ST8SIA2: variants seen among roughly 807,000 people sequenced by gnomAD.
ST8SIA2 encodes the protein alpha-2,8-sialyltransferase 8B.
ST8SIA2 carries 22 observed loss-of-function variants against 37.6 expected under a neutral mutation model. That is an observed-to-expected ratio of 0.58 (90% CI 0.42 to 0.83). The LOEUF is 0.83. ST8SIA2 is among the 40% of genes least tolerant of loss of function. ST8SIA2 has a pLI of 0.00. For synonymous variants in ST8SIA2, 205 were observed against 201.2 expected, an observed-to-expected ratio of 1.02 and a Z score of -0.16; for missense variants, 382 against 484.7, an observed-to-expected ratio of 0.79 and a Z score of 1.99.
intron 5 of ST8SIA2, 141 bp from the exon 6 acceptor site, chr15:92,463,959 G>A (rs980184080): frequency 1.6e-6 from 2 of 1,212,416 alleles, no homozygotes; most frequent in Non-Finnish European, 2.3e-6. Context: ...TCTGTGGAGG[G>A]AACCAGGGAT....
chr15:92,438,668 G>A, intron 4 of ST8SIA2, 58 bp downstream of exon 4: 1 of 1,516,468 alleles, frequency 6.6e-7, no homozygotes, highest in South Asian at 1.3e-5. Flanking sequence ...GTGTTTCAGT[G>A]GAGCATTGCC....
intron 1 of ST8SIA2, among the ~76,000 whole-genome samples, chr15:92,404,946 C>T (rs1220962064): frequency 6.6e-6 from 1 of 151,848 alleles, no homozygotes; most frequent in African/African-American, 2.4e-5. Flanking sequence ...AGGTATCCGT[C>T]AATGAGTGAA....
intron 5 of ST8SIA2, among the ~76,000 whole-genome samples, chr15:92,461,711 T>A (rs1402289847): frequency 6.6e-6 from 1 of 152,158 alleles, no homozygotes; most frequent in African/African-American, 2.4e-5. Context: ...ACGGGCCAGG[T>A]CTTGCAGAGT....
chr15:92,398,764 C>A (rs2049450179), intron 1 of ST8SIA2, among the ~76,000 whole-genome samples: 1 of 152,214 alleles, frequency 6.6e-6, no homozygotes, highest in African/African-American at 2.4e-5. Flanking sequence ...AAGGCCGAAA[C>A]CCATGCATGC....
In ST8SIA2 at chr15:92,438,628, GC is replaced by G. The variant is rs2049778216; in HGVS notation, c.548+19del. Reference sequence around the variant, plus strand: ...GTCATCAGGTAACATGCCCCAGCAGGCACTCTGGGGCCAGAGCGGCGGGCAG... The same window carrying G: ...GTCATCAGGTAACATGCCCCAGCAGGACTCTGGGGCCAGAGCGGCGGGCAG... On this transcript the variant is annotated intron_variant, in intron 4 of 5. Coordinates refer to ENST00000268164, the MANE Select transcript of ST8SIA2 (RefSeq NM_006011.4). The G allele has an allele frequency of 6.3e-7, 1 of 1,591,840 alleles. No individual in the cohort carries two copies. Among genetic ancestry groups the G allele is most frequent in the Non-Finnish European group, 8.6e-7 (1 of 1,169,072 alleles).
intron 4 of ST8SIA2, among the ~76,000 whole-genome samples, chr15:92,442,140 C>T (rs575426786): frequency 6.6e-6 from 1 of 152,228 alleles, no homozygotes; most frequent in Non-Finnish European, 1.5e-5. Flanking sequence ...GGAAGGAAGA[C>T]ATCTAGACAG....
intron 1 of ST8SIA2, among the ~76,000 whole-genome samples, chr15:92,427,293 G>T (rs576711591): frequency 6.8e-6 from 1 of 146,332 alleles, no homozygotes; most frequent in Admixed American, 6.8e-5. Flanking sequence ...AAAGATTAAT[G>T]CATCCCTACT....
Position 92,393,916 on chromosome 15 carries a change from C to CGCT in ST8SIA2, c.-146_-144dup. On this transcript the variant is annotated 5_prime_UTR_variant, in exon 1 of 6. Transcript: ENST00000268164. ...TGCCTGTCGCTGCCGCTGCCGCTGCCGCTGCCGCCGCCGGCCCGGACTCGT... is the reference window on the plus strand; with the variant it reads ...TGCCTGTCGCTGCCGCTGCCGCTGCCGCTGCTGCCGCCGCCGGCCCGGACTCGT... The CGCT allele has an allele frequency of 3.4e-6, 1 of 292,054 alleles. No individual in the cohort carries two copies. Among genetic ancestry groups the CGCT allele is most frequent in the Non-Finnish European group, 5.8e-6 (1 of 172,418 alleles). 18.1% of individuals were successfully genotyped at this position (292,054 alleles called of 1,614,324 possible).
At chr15:92,455,047 G>C (rs900046923) in intron 5 of ST8SIA2, among the ~76,000 whole-genome samples, 2 of 152,140 alleles carry the variant, frequency 1.3e-5, no homozygotes, top group African/African-American at 2.4e-5. Flanking sequence ...AGAGGGGCCA[G>C]GTCAGCAAAG....
rs1055984089 is a variant in ST8SIA2 at position 92,438,261 on chromosome 15, C to A, written c.291-92C>A. The A allele has an allele frequency of 1.3e-5, 21 of 1,585,970 alleles. No individual in the cohort carries two copies. In the African/African-American group the frequency reaches 2.8e-4, roughly 21 times the overall value. On this transcript the variant is annotated intron_variant, in intron 3 of 5. Coordinates refer to ENST00000268164, the MANE Select transcript of ST8SIA2 (RefSeq NM_006011.4). ...CTGCGTGTTTGCTGGGCTGCAGCCA[C>A]CGTGCAGGGCGACCCTGGATAGGAA...
intron 1 of ST8SIA2, 42 bp downstream of exon 1, chr15:92,394,204 GAT>G (rs1567207424): frequency 6.7e-7 from 1 of 1,496,842 alleles, no homozygotes; most frequent in Non-Finnish European, 9.1e-7. Flanking sequence ...GCCCTGGCGG[GAT>G]CTCTCCCTCC....
At chr15:92,444,964 A>G (rs750323402) in intron 5 of ST8SIA2, 35 bp downstream of exon 5, 6 of 1,603,294 alleles carry the variant, frequency 3.7e-6, no homozygotes, top group Non-Finnish European at 4.2e-6. Flanking sequence ...TAGGACCGTC[A>G]CTAAGTGTGG....
chr15:92,439,239 G>A (rs2049783476), intron 4 of ST8SIA2, among the ~76,000 whole-genome samples: 1 of 152,130 alleles, frequency 6.6e-6, no homozygotes, highest in South Asian at 2.1e-4. Context: ...GGGAGGGGGT[G>A]CCCTACTAGT....
chr15:92,460,540 C>CT (rs1374187164), intron 5 of ST8SIA2, among the ~76,000 whole-genome samples: 1 of 152,232 alleles, frequency 6.6e-6, no homozygotes, highest in African/African-American at 2.4e-5. Flanking sequence ...GTCCTCCTGC[C>CT]TTTGCCCCTC....
At position 92,464,714 on chromosome 15, in the gene ST8SIA2, C is replaced by T; in HGVS notation, c.*329C>T. 2.9e-6 allele frequency: 1 copy of T among 347,626 alleles called. No individual in the cohort carries two copies. The highest frequency in any genetic ancestry group is 3.2e-5 in the South Asian group (1 of 31,718). 21.5% of individuals were successfully genotyped at this position (347,626 alleles called of 1,614,324 possible). On this transcript the variant is annotated 3_prime_UTR_variant, in exon 6 of 6. Coordinates refer to ENST00000268164, the MANE Select transcript of ST8SIA2 (RefSeq NM_006011.4). Reference sequence around the variant, plus strand: ...AAGCCAGTCCCATGACTTTGGATGACAAACTGCCTCCTGGCTTGGAGGGAT... The same window carrying T: ...AAGCCAGTCCCATGACTTTGGATGATAAACTGCCTCCTGGCTTGGAGGGAT...
intron 5 of ST8SIA2, among the ~76,000 whole-genome samples, chr15:92,450,775 G>A (rs2049875977): frequency 6.6e-6 from 1 of 152,170 alleles, no homozygotes; most frequent in South Asian, 2.1e-4. Context: ...GAGATTTGGT[G>A]GGGACACAGA....
At chr15:92,445,541 T>C (rs1014984714) in intron 5 of ST8SIA2, among the ~76,000 whole-genome samples, 2 of 152,320 alleles carry the variant, frequency 1.3e-5, no homozygotes, top group Admixed American at 6.5e-5. Context: ...TGGGCTGAGA[T>C]CTTCAAAGGA....
chr15:92,439,550 C>A (rs1490224114), intron 4 of ST8SIA2, among the ~76,000 whole-genome samples: 2 of 152,160 alleles, frequency 1.3e-5, no homozygotes, highest in Non-Finnish European at 2.9e-5. Flanking sequence ...GGGACCAACT[C>A]GAGGCAAAGA....
chr15:92,417,274 C>T (rs1482029724), intron 1 of ST8SIA2, among the ~76,000 whole-genome samples: 1 of 152,226 alleles, frequency 6.6e-6, no homozygotes, highest in Non-Finnish European at 1.5e-5. Context: ...TGAGTGGTAA[C>T]CACCATGGCT....
Sources: allele counts gnomAD v4.1 joint callset (sites outside exome capture counted in the v4.1 genomes callset), GRCh38; gene constraint gnomAD v4.1.1; transcripts MANE v1.5; gene names NCBI Gene and HGNC (gene_info 2026-07-23, HGNC 2026-07-21).